Variants in TRPM3 observed in about 807,000 individuals in gnomAD.
TRPM3 encodes long transient receptor potential channel 3.
A neutral mutation model predicts 181.2 loss-of-function variants in TRPM3; 77 were observed. The ratio of observed to expected loss-of-function variants is 0.42; its 90% confidence interval spans 0.35 to 0.51. The LOEUF (loss-of-function observed/expected upper bound fraction) is 0.51. Ranked by LOEUF, TRPM3 falls within the 20% of genes least tolerant of loss-of-function variation. The pLI is 0.01. For missense variants in TRPM3, 1,759 were observed against 2,196.7 expected (o/e 0.80, Z 3.98); for synonymous variants, 745 against 796.4 (o/e 0.94, Z 1.09).
rs144126150 is a variant in TRPM3, at chr9:71,387,139, C to T, written c.183+59514G>A. Among the ~76,000 whole-genome samples the T allele has an allele frequency of 1.1e-4, 16 of 152,248 alleles. No homozygotes were observed. In the East Asian group the frequency reaches 3.1e-3, roughly 29 times the overall value. On this transcript the variant is annotated intron_variant, in intron 1 of 24. Coordinates refer to the TRPM3 transcript ENST00000357533. The stretch of plus-strand genomic sequence containing the variant: ...ATGAGGTTAGAAGGAATAAATTAGA[C>T]TCGATTTTTGAAAATTTAGATTATC...
intron 8 of TRPM3, among the ~76,000 whole-genome samples, chr9:70,739,748 G>T (rs1312357425): frequency 6.6e-6 from 1 of 152,026 alleles, no homozygotes; most frequent in Non-Finnish European, 1.5e-5. Context: ...CTCCTGATTA[G>T]GTGGGATTAG....
At chr9:70,767,230 C>T (rs1174683147) in intron 7 of TRPM3, among the ~76,000 whole-genome samples, 1 of 152,176 alleles carries the variant, frequency 6.6e-6, no homozygotes, top group Non-Finnish European at 1.5e-5. Context: ...ACCACCAGTT[C>T]TTTCCTATGT....
intron 8 of TRPM3, among the ~76,000 whole-genome samples, chr9:70,686,647 T>C: frequency 1.0e-5 from 1 of 99,728 alleles, no homozygotes; most frequent in African/African-American, 4.1e-5. Context: ...TCACTCCCTC[T>C]CTCCCTTCCT....
At chr9:70,700,494 G>T (rs1387500272) in intron 8 of TRPM3, among the ~76,000 whole-genome samples, 1 of 152,158 alleles carries the variant, frequency 6.6e-6, no homozygotes, top group African/African-American at 2.4e-5. Context: ...CTGCCCCCCT[G>T]CCCTGGAAAC....
intron 1 of TRPM3, among the ~76,000 whole-genome samples, chr9:71,431,339 A>G (rs2093950874): frequency 6.6e-6 from 1 of 152,236 alleles, no homozygotes; most frequent in African/African-American, 2.4e-5. Context: ...GTTTCAGCAC[A>G]TTAAAAAGAT....
intron 1 of TRPM3, among the ~76,000 whole-genome samples, chr9:71,015,762 T>C (rs2097779207): frequency 6.6e-6 from 1 of 152,218 alleles, no homozygotes; most frequent in Non-Finnish European, 1.5e-5. Context: ...CAGAGTTCTT[T>C]AATAATTTTA....
chr9:70,549,036 A>G (rs1011921408), intron 25 of TRPM3, among the ~76,000 whole-genome samples: 4 of 152,214 alleles, frequency 2.6e-5, no homozygotes, highest in Non-Finnish European at 5.9e-5. Flanking sequence ...GAAAAACAAA[A>G]CAATTCTGGG....
Position 70,536,546 on chromosome 9 carries a change from G to C in TRPM3, c.4567C>G (p.Leu1523Val), listed in dbSNP as rs377423818. The C allele has an allele frequency of 4.2e-5, 67 of 1,614,178 alleles. No individual in the cohort carries two copies. Among genetic ancestry groups the C allele is most frequent in the Admixed American group, 6.7e-5 (4 of 60,018 alleles). The change falls in exon 26 of 26, where the codon CTT (leucine) becomes GTT (valine). Residue 1523 changes from leucine to valine, a missense_variant. Physicochemically the swap from Leu to Val is conservative, Grantham distance 32 (BLOSUM62 1). This residue lies in a region of TRPM3 where 612 missense variants were observed against 590.0 expected (regional missense o/e 1.04). Coordinates refer to ENST00000677713, the MANE Select transcript of TRPM3 (RefSeq NM_001366145.2). ...TTCACAATGGGAGCCTCTTCTAGAA[G>C]AAAGGGTGTGGTGGCTAGGTAGCGG... ...SSRYLATTPF[L>V]LEEAPIVKSH...
intron 1 of TRPM3, among the ~76,000 whole-genome samples, chr9:70,907,071 T>C (rs2096476829): frequency 6.6e-6 from 1 of 152,236 alleles, no homozygotes; most frequent in Non-Finnish European, 1.5e-5. Context: ...TATAACACAG[T>C]TTATTGAAAA....
chr9:70,879,029 T>C (rs763704428), intron 1 of TRPM3, among the ~76,000 whole-genome samples: 1 of 152,132 alleles, frequency 6.6e-6, no homozygotes, highest in African/African-American at 2.4e-5. Context: ...ATTATTTTCA[T>C]GTATTAACTA....
chr9:71,310,455 G>C (rs965696581), intron 1 of TRPM3, among the ~76,000 whole-genome samples: 1 of 151,972 alleles, frequency 6.6e-6, no homozygotes, highest in African/African-American at 2.4e-5. Context: ...GTGGTTATTA[G>C]AATAGGAAAA....
chr9:70,594,077 C>T (rs900744548), intron 21 of TRPM3, among the ~76,000 whole-genome samples: 3 of 144,398 alleles, frequency 2.1e-5, no homozygotes, highest in Non-Finnish European at 3.0e-5. Context: ...TCACACAAAA[C>T]GAGTAAAAAT....
intron 1 of TRPM3, 81 bp downstream of exon 1, chr9:71,121,097 C>T: frequency 7.8e-6 from 11 of 1,410,910 alleles, no homozygotes; most frequent in Non-Finnish European, 8.8e-6. Flanking sequence ...CCCAAAGGTG[C>T]GTCCCAGCCC....
intron 1 of TRPM3, among the ~76,000 whole-genome samples, chr9:71,086,513 A>T (rs1381074234): frequency 1.3e-5 from 2 of 151,938 alleles, no homozygotes; most frequent in African/African-American, 4.8e-5. Context: ...CTTTTTCTCC[A>T]TTCATGCTGA....
At chr9:71,253,918 G>A (rs2082508250) in intron 1 of TRPM3, among the ~76,000 whole-genome samples, 1 of 152,120 alleles carries the variant, frequency 6.6e-6, no homozygotes, top group African/African-American at 2.4e-5. Context: ...ATATGAAAGT[G>A]GATAAATTAT....
chr9:70,840,793 G>A (rs184297240), intron 5 of TRPM3, among the ~76,000 whole-genome samples: 1 of 152,018 alleles, frequency 6.6e-6, no homozygotes, highest in Non-Finnish European at 1.5e-5. Flanking sequence ...ATAATACAAA[G>A]AGCCAGTAGG....
intron 9 of TRPM3, among the ~76,000 whole-genome samples, chr9:70,655,372 C>T (rs2060200387): frequency 7.0e-6 from 1 of 142,604 alleles, no homozygotes; most frequent in African/African-American, 2.6e-5. Context: ...TGCATATTCA[C>T]ATTAAGGAAA....
chr9:71,288,765 A>T (rs2085517869), intron 1 of TRPM3, among the ~76,000 whole-genome samples: 2 of 152,140 alleles, frequency 1.3e-5, no homozygotes, highest in African/African-American at 4.8e-5. Flanking sequence ...TTTTAAAGAA[A>T]ATCAAAGAAA....
intron 1 of TRPM3, among the ~76,000 whole-genome samples, chr9:71,317,195 A>G (rs1348505212): frequency 4.6e-5 from 7 of 152,216 alleles, no homozygotes; most frequent in African/African-American, 1.7e-4. Context: ...GAACACCTTA[A>G]AAAGAGAGCT....
Sources: gnomAD v4.1 joint callset for allele counts (sites outside exome capture counted in the v4.1 genomes callset) on GRCh38, gnomAD v4.1.1 for gene constraint, gnomAD v4.1.1 regional missense constraint, MANE v1.5 for transcripts, NCBI Gene and HGNC (gene_info 2026-07-23, HGNC 2026-07-21) for gene names.